Variants in NLGN4X observed in about 807,000 individuals in gnomAD.
NLGN4X encodes neuroligin 4 X-linked, also known as neuroligin-4, X-linked.
Under a neutral mutation model 40.3 loss-of-function variants are expected in NLGN4X, and 3 were observed. The observed-to-expected ratio is 0.07, with a 90% CI of 0.03 to 0.19. The LOEUF is 0.19. Among genes scored for constraint, NLGN4X ranks in the 10% least tolerant of loss-of-function variants. The pLI is 1.00. For missense variants in NLGN4X, 382 were observed against 708.3 expected (o/e 0.54, Z 5.23); for synonymous variants, 270 against 306.8 (o/e 0.88, Z 1.25).
chrX:5,893,594 G>A lies in NLGN4X; in HGVS notation c.1674C>T (p.Ala558=), dbSNP rs794727810. The A allele has an allele frequency of 4.1e-6, 5 of 1,209,221 alleles. No individual in the cohort carries two copies. Among genetic ancestry groups the A allele is most frequent in the Non-Finnish European group, 5.6e-6 (5 of 895,065 alleles). ...GGTCTTTGGGATTATACTTGGACCAGGCCACTTCTTCAAAGCGGTTGGGTT... is the reference window on the plus strand; with the variant it reads ...GGTCTTTGGGATTATACTTGGACCAAGCCACTTCTTCAAAGCGGTTGGGTT... ...HTKPNRFEEV[A]WSKYNPKDQL... is the part of the protein sequence containing the mutation. The change falls in exon 6 of 6, where the codon GCC becomes GCT. Residue 558 remains alanine, a synonymous_variant. Transcript: ENST00000381095.
intron 2 of NLGN4X, among the ~76,000 whole-genome samples, chrX:6,141,410 A>C (rs1488882653): frequency 1.8e-5 from 2 of 111,996 alleles, no homozygotes; most frequent in Non-Finnish European, 3.8e-5. Flanking sequence ...CTCTTTTATA[A>C]TTATTTCTTA....
At chrX:6,182,348 G>A (rs1353638409) in intron 1 of NLGN4X, among the ~76,000 whole-genome samples, 1 of 111,456 alleles carries the variant, frequency 9.0e-6, no homozygotes, top group African/African-American at 3.3e-5. Context: ...GGAAAATAAA[G>A]AGAAAAGCAG....
chrX:5,892,668 C>CT lies in NLGN4X; in HGVS notation c.*148dup. 1.2e-6 allele frequency: 1 copy of CT among 819,403 alleles called. No individual in the cohort carries two copies. 67.5% of individuals were successfully genotyped at this position (819,403 alleles called of 1,213,427 possible). A position where few individuals can be genotyped will look rare whatever the true frequency, so the allele number is the denominator to read the frequency against. The stretch of plus-strand genomic sequence containing the variant: ...GGGTCTGCCGGGATGGGATGACTGC[C>CT]TTTTTGCATTTTTGTCTTAAGTCAG... On this transcript the variant is annotated 3_prime_UTR_variant, in exon 6 of 6. Coordinates refer to ENST00000381095, the MANE Select transcript of NLGN4X (RefSeq NM_181332.3).
chrX:5,974,004 T>C (rs898979717), intron 3 of NLGN4X, among the ~76,000 whole-genome samples: 7 of 111,652 alleles, frequency 6.3e-5, no homozygotes, highest in Admixed American at 2.9e-4. Context: ...TGTGTCAAAA[T>C]AGGACAACCT....
At chrX:6,189,726 G>C (rs1001602542) in intron 1 of NLGN4X, among the ~76,000 whole-genome samples, 1 of 111,065 alleles carries the variant, frequency 9.0e-6, no homozygotes, top group African/African-American at 3.3e-5. Flanking sequence ...ATATTCACCT[G>C]AATGTGCTTT....
chrX:5,957,673 A>C (rs762706911), intron 3 of NLGN4X, among the ~76,000 whole-genome samples: 6 of 111,480 alleles, frequency 5.4e-5, no homozygotes, highest in Non-Finnish European at 1.1e-4. Flanking sequence ...ATTTACCAAG[A>C]CAGCTGGTAT....
At chrX:6,005,053 T>C (rs899834311) in intron 3 of NLGN4X, among the ~76,000 whole-genome samples, 6 of 112,460 alleles carry the variant, frequency 5.3e-5, no homozygotes, top group African/African-American at 1.9e-4. Context: ...GAAACTGCAC[T>C]AGTTTACTTA....
chrX:5,926,282 A>C (rs2033314616), intron 3 of NLGN4X, among the ~76,000 whole-genome samples: 2 of 110,134 alleles, frequency 1.8e-5, no homozygotes, highest in South Asian at 7.9e-4. Flanking sequence ...ACTGCAAGTC[A>C]AGTAAACCTC....
chrX:6,194,194 T>C (rs775278250), intron 1 of NLGN4X, among the ~76,000 whole-genome samples: 2 of 111,600 alleles, frequency 1.8e-5, no homozygotes, highest in South Asian at 7.5e-4. Context: ...AAAAGATATA[T>C]ATATTAGGTT....
chrX:6,110,299 C>G (rs1415442934), intron 2 of NLGN4X, among the ~76,000 whole-genome samples: 1 of 111,262 alleles, frequency 9.0e-6, no homozygotes, highest in African/African-American at 3.3e-5. Context: ...CTTCCCAGGG[C>G]TCTGCTGTTC....
intron 2 of NLGN4X, among the ~76,000 whole-genome samples, chrX:6,042,960 C>T (rs2037215116): frequency 9.5e-6 from 1 of 105,372 alleles, no homozygotes; most frequent in Non-Finnish European, 1.9e-5. Context: ...CCTGTAATCA[C>T]AGCTACTTGG....
At chrX:6,168,081 C>T (rs1409322093) in intron 1 of NLGN4X, among the ~76,000 whole-genome samples, 1 of 112,087 alleles carries the variant, frequency 8.9e-6, no homozygotes, top group Non-Finnish European at 1.9e-5. Flanking sequence ...GCTATTCTTT[C>T]ACTCCGGCCT....
Position 5,891,007 on chromosome X carries a change from C to A in NLGN4X, c.*1810G>T, listed in dbSNP as rs1326952429. ...AAGACTGGATTTCTAGAATAACCCA[C>A]AATGGAGCCGAGGAACATGATCTTC... On this transcript the variant is annotated 3_prime_UTR_variant, in exon 6 of 6. Transcript: ENST00000381095. The A allele has an allele frequency of 3.3e-6, 1 of 304,403 alleles. No homozygotes were observed. Among genetic ancestry groups the A allele is most frequent in the Non-Finnish European group, 6.2e-6 (1 of 161,232 alleles). The allele number at this position is 304,403 out of a possible 1,213,427, so 25.1% of individuals were successfully genotyped here. A position where few individuals can be genotyped will look rare whatever the true frequency, so the allele number is the denominator to read the frequency against.
chrX:5,906,994 C>T lies in NLGN4X; in HGVS notation c.811+2060G>A, dbSNP rs1047630046. Among the ~76,000 whole-genome samples, 3 of 109,730 alleles carry T rather than the reference C, an allele frequency of 2.7e-5. No homozygotes were observed. In the East Asian group the frequency reaches 8.7e-4, roughly 32 times the overall value. On this transcript the variant is annotated intron_variant, in intron 4 of 5. Transcript: ENST00000381095. The stretch of plus-strand genomic sequence containing the variant: ...ACTCGGGAGGCTGAGGCAGGAGAAT[C>T]GCTTTGAATCCAGAAGGTGGATGTT...
chrX:5,963,511 C>A (rs2034728015), intron 3 of NLGN4X, among the ~76,000 whole-genome samples: 1 of 111,719 alleles, frequency 9.0e-6, no homozygotes, highest in Non-Finnish European at 1.9e-5. Context: ...GATGTATTAG[C>A]AGCCCGAACA....
chrX:6,088,415 A>C (rs2038552634), intron 2 of NLGN4X, among the ~76,000 whole-genome samples: 1 of 111,805 alleles, frequency 8.9e-6, no homozygotes. Flanking sequence ...CAGGCATGGC[A>C]CTGCTCTGGA....
chrX:6,220,729 A>C (rs1602448096), intron 1 of NLGN4X, among the ~76,000 whole-genome samples: 1 of 66,511 alleles, frequency 1.5e-5, no homozygotes. Context: ...TAACTTTATA[A>C]CTTTCTTTTT....
At chrX:6,072,575 C>T (rs764344416) in intron 2 of NLGN4X, among the ~76,000 whole-genome samples, 2 of 111,506 alleles carry the variant, frequency 1.8e-5, no homozygotes, top group Non-Finnish European at 3.8e-5. Flanking sequence ...AATTATAGAT[C>T]TTACATACAT....
At chrX:5,989,752 CA>C (rs1172173424) in intron 3 of NLGN4X, among the ~76,000 whole-genome samples, 1 of 111,038 alleles carries the variant, frequency 9.0e-6, no homozygotes, top group African/African-American at 3.3e-5. Context: ...TCCTCCTTAC[CA>C]GGGGCAGTGA....
Sources: allele counts gnomAD v4.1 joint callset (sites outside exome capture counted in the v4.1 genomes callset), GRCh38; gene constraint gnomAD v4.1.1; transcripts MANE v1.5; gene names NCBI Gene and HGNC (gene_info 2026-07-23, HGNC 2026-07-21).